ASIC2: variants seen among roughly 807,000 people sequenced by gnomAD.
ASIC2 encodes the protein acid-sensing ion channel 2.
In ASIC2, 25 loss-of-function variants were observed where a neutral mutation model predicts 57.3. The ratio of observed to expected loss-of-function variants is 0.44; its 90% CI spans 0.32 to 0.61. The LOEUF (loss-of-function observed/expected upper bound fraction) is 0.61. ASIC2 is among the 20% of genes least tolerant of loss of function. The probability of loss-of-function intolerance (pLI) is 0.06; values close to 1 mark genes in which losing one functional copy is unlikely to be tolerated. For missense variants in ASIC2, 641 were observed against 738.1 expected (o/e 0.87, Z 1.52); for synonymous variants, 319 against 307.5 (o/e 1.04, Z -0.39).
intron 1 of ASIC2, among the ~76,000 whole-genome samples, chr17:33,566,359 G>T (rs183803116): frequency 3.7e-4 from 56 of 152,228 alleles, no homozygotes; most frequent in African/African-American, 1.1e-3. Flanking sequence ...TCCCTGCTGG[G>T]CCCTTCCCTC....
At chr17:33,700,549 T>C (rs1908665005) in intron 1 of ASIC2, among the ~76,000 whole-genome samples, 2 of 152,138 alleles carry the variant, frequency 1.3e-5, no homozygotes, top group South Asian at 4.1e-4. Context: ...AACAGAATTA[T>C]CAGAATGGAG....
At chr17:33,357,832 A>G (rs1180525524) in intron 1 of ASIC2, among the ~76,000 whole-genome samples, 1 of 152,210 alleles carries the variant, frequency 6.6e-6, no homozygotes, top group Non-Finnish European at 1.5e-5. Context: ...TCTATTTGCT[A>G]TGATGGCCTA....
chr17:33,752,418 A>C (rs894851965), intron 1 of ASIC2, among the ~76,000 whole-genome samples: 2 of 152,208 alleles, frequency 1.3e-5, no homozygotes, highest in Non-Finnish European at 2.9e-5. Context: ...AGAAGAATGA[A>C]AAGACAAGCC....
At chr17:33,121,597 T>G (rs1005770520) in intron 1 of ASIC2, among the ~76,000 whole-genome samples, 28 of 152,172 alleles carry the variant, frequency 1.8e-4, no homozygotes, top group African/African-American at 6.8e-4. Flanking sequence ...CAGTCCATGC[T>G]TCTGGCTACC....
chr17:34,033,247 C>T (rs1051690606), intron 1 of ASIC2, among the ~76,000 whole-genome samples: 1 of 152,164 alleles, frequency 6.6e-6, no homozygotes, highest in African/African-American at 2.4e-5. Context: ...AACTGAACAA[C>T]CTTCTCCTGA....
intron 1 of ASIC2, among the ~76,000 whole-genome samples, chr17:33,643,145 T>A (rs1284429978): frequency 1.7e-5 from 1 of 59,044 alleles, no homozygotes; most frequent in Non-Finnish European, 3.2e-5. Flanking sequence ...CACATGCTCA[T>A]TTCCCCCCCC....
chr17:33,729,089 G>C (rs555193270), intron 1 of ASIC2, among the ~76,000 whole-genome samples: 2 of 152,268 alleles, frequency 1.3e-5, no homozygotes, highest in Non-Finnish European at 2.9e-5. Context: ...AAATACCTGA[G>C]GTTGGGTAAT....
chr17:33,698,249 A>T (rs1908589910), intron 1 of ASIC2, among the ~76,000 whole-genome samples: 1 of 152,142 alleles, frequency 6.6e-6, no homozygotes, highest in South Asian at 2.1e-4. Flanking sequence ...ACAATTGCCA[A>T]TCTTGCTTTC....
chr17:33,080,834 G>A (rs1040755038), intron 3 of ASIC2, among the ~76,000 whole-genome samples: 3 of 152,146 alleles, frequency 2.0e-5, no homozygotes, highest in Non-Finnish European at 4.4e-5. Context: ...GCTGATTCAC[G>A]TCCTGGGTGG....
intron 1 of ASIC2, among the ~76,000 whole-genome samples, chr17:33,841,254 T>G (rs1283481917): frequency 6.6e-6 from 1 of 152,202 alleles, no homozygotes; most frequent in Non-Finnish European, 1.5e-5. Flanking sequence ...TCGGGGAAGG[T>G]GTAGACATGG....
At chr17:33,525,138 G>A (rs1293104790) in intron 1 of ASIC2, among the ~76,000 whole-genome samples, 1 of 152,142 alleles carries the variant, frequency 6.6e-6, no homozygotes, top group Non-Finnish European at 1.5e-5. Flanking sequence ...TCCCCTCACT[G>A]AGTCCTGTAG....
intron 1 of ASIC2, among the ~76,000 whole-genome samples, chr17:33,202,635 C>A (rs1015161940): frequency 4.6e-5 from 7 of 152,204 alleles, no homozygotes; most frequent in Non-Finnish European, 1.0e-4. Flanking sequence ...CCCATTCTTC[C>A]ATTAACTTAT....
intron 1 of ASIC2, among the ~76,000 whole-genome samples, chr17:33,397,396 A>G (rs1292675724): frequency 6.6e-6 from 1 of 152,208 alleles, no homozygotes; most frequent in African/African-American, 2.4e-5. Context: ...CTCCTTTGGT[A>G]GAAGTCACTC....
intron 1 of ASIC2, among the ~76,000 whole-genome samples, chr17:33,702,078 A>G (rs1303005884): frequency 1.3e-5 from 2 of 152,146 alleles, no homozygotes; most frequent in East Asian, 1.9e-4. Flanking sequence ...TCTTCCTTTC[A>G]TTCCTCTTCA....
chr17:34,030,328 T>A (rs1463097478), intron 1 of ASIC2, among the ~76,000 whole-genome samples: 1 of 152,186 alleles, frequency 6.6e-6, no homozygotes, highest in Non-Finnish European at 1.5e-5. Context: ...CCATTCGAAA[T>A]TTTTGAGGGC....
At chr17:33,649,951 C>T (rs1002070536) in intron 1 of ASIC2, among the ~76,000 whole-genome samples, 1 of 152,102 alleles carries the variant, frequency 6.6e-6, no homozygotes, top group African/African-American at 2.4e-5. Flanking sequence ...AGACTTGACA[C>T]TGAAAGTGTG....
intron 1 of ASIC2, among the ~76,000 whole-genome samples, chr17:33,321,648 G>T (rs925090589): frequency 6.6e-6 from 1 of 152,104 alleles, no homozygotes; most frequent in African/African-American, 2.4e-5. Context: ...CTTCTTGCTG[G>T]AGGTAAGGAT....
intron 1 of ASIC2, among the ~76,000 whole-genome samples, chr17:33,309,549 ATCC>A (rs1906321450): frequency 6.7e-6 from 1 of 149,406 alleles, no homozygotes. Flanking sequence ...CTTCCTCCTT[ATCC>A]TCCTCTACCA....
In ASIC2 at chr17:33,823,889, G is replaced by T. The variant is rs1193286299; in HGVS notation, c.555+332089C>A. On this transcript the variant is annotated intron_variant, in intron 1 of 9. Transcript: ENST00000359872. ...TTTATTTGGTGTCTGATCTGTTGAG[G>T]CTGCTCTGATAGTTATATTCTATGG... Among the ~76,000 whole-genome samples the T allele has an allele frequency of 2.0e-5, 3 of 152,156 alleles. No homozygotes were observed. The East Asian group carries it at 5.8e-4, about 29-fold the overall frequency.
Sources: allele counts gnomAD v4.1 joint callset (sites outside exome capture counted in the v4.1 genomes callset), GRCh38; gene constraint gnomAD v4.1.1; transcripts MANE v1.5; gene names NCBI Gene and HGNC (gene_info 2026-07-23, HGNC 2026-07-21).